The following NCOA2 variants were observed in gnomAD, a reference collection of about 807,000 sequenced individuals.
NCOA2 encodes nuclear receptor coactivator 2, also known as class E basic helix-loop-helix protein 75.
A neutral mutation model predicts 145.1 loss-of-function variants in NCOA2; 21 were observed. That is an observed-to-expected ratio of 0.14 (90% CI 0.10 to 0.21). NCOA2 has a LOEUF of 0.21. NCOA2 is among the 10% of genes least tolerant of loss of function. The pLI, the probability that NCOA2 is intolerant of heterozygous loss-of-function variation, is 1.00. For missense variants in NCOA2, 1,472 were observed against 1,837.6 expected (o/e 0.80, Z 3.64); for synonymous variants, 619 against 637.5 (o/e 0.97, Z 0.44).
intron 13 of NCOA2, 137 bp from the exon 14 acceptor site, chr8:70,141,536 G>T: frequency 1.2e-6 from 1 of 805,178 alleles, no homozygotes; most frequent in Non-Finnish European, 2.0e-6. Context: ...TTCTCATTGG[G>T]CAGATGTGGG....
chr8:70,349,660 C>T (rs1808990469), intron 1 of NCOA2, among the ~76,000 whole-genome samples: 1 of 151,996 alleles, frequency 6.6e-6, no homozygotes, highest in South Asian at 2.1e-4. Flanking sequence ...TCCATAAATC[C>T]TAGATTCTGT....
chr8:70,393,685 C>A lies in NCOA2; in HGVS notation c.-77+10015G>T, dbSNP rs369939235. ...GTGCCCAGGCCCAGTTCCTTCCTGC[C>A]CAAGCCTTTGCTTCCCTGGAGCCTA... On this transcript the variant is annotated intron_variant, in intron 1 of 22. Transcript: ENST00000452400. 2.4e-4 allele frequency among the ~76,000 whole-genome samples: 37 copies of A among 152,320 alleles called. No individual in the cohort carries two copies. In the East Asian group the frequency reaches 2.9e-3, roughly 12 times the overall value.
chr8:70,408,467 A>G (rs1258540517), upstream of NCOA2, among the ~76,000 whole-genome samples: 1 of 152,212 alleles, frequency 6.6e-6, no homozygotes, highest in Non-Finnish European at 1.5e-5. Flanking sequence ...CTCTACATTG[A>G]GAAAAAAATA....
At chr8:70,346,381 T>C (rs187389207) in intron 1 of NCOA2, among the ~76,000 whole-genome samples, 3 of 152,298 alleles carry the variant, frequency 2.0e-5, no homozygotes, top group South Asian at 2.1e-4. Flanking sequence ...AATATCCCTA[T>C]TGACAGAGAT....
chr8:70,249,977 A>AAAAAAAAAAG (rs751876043), intron 2 of NCOA2, among the ~76,000 whole-genome samples: 24 of 137,956 alleles, frequency 1.7e-4, no homozygotes, highest in Admixed American at 3.0e-4. Flanking sequence ...AAAAAAAAAA[A>AAAAAAAAAAG]AAGAAGAAGA....
intron 1 of NCOA2, among the ~76,000 whole-genome samples, chr8:70,300,925 C>T (rs895904891): frequency 3.3e-5 from 5 of 152,012 alleles, no homozygotes; most frequent in Admixed American, 3.3e-4. Flanking sequence ...GAGGGTAGGC[C>T]CTGCTACTAT....
chr8:70,363,079 T>TAAAAAAA (rs777122942), intron 1 of NCOA2, among the ~76,000 whole-genome samples: 67 of 99,740 alleles, frequency 6.7e-4, no homozygotes, highest in East Asian at 1.7e-3. Context: ...ACTCTGTCTT[T>TAAAAAAA]AAAAAAAAAA....
rs76387737 is a variant in NCOA2, at chr8:70,365,781, T to C, written c.-77+37919A>G. On this transcript the variant is annotated intron_variant, in intron 1 of 22. Coordinates refer to ENST00000452400, the MANE Select transcript of NCOA2 (RefSeq NM_006540.4). ...AGAAAACACTGCTCTAAGTTCTCCT[T>C]CACAATGAAAAGGGAGAAAAAAGAG... 1.3e-3 allele frequency among the ~76,000 whole-genome samples: 199 copies of C among 152,146 alleles called. 5 individuals are homozygous for C. The East Asian group carries it at 0.031, about 24-fold the overall frequency.
chr8:70,141,303 C>T lies in NCOA2; in HGVS notation c.2909G>A (p.Ser970Asn), dbSNP rs776792255. The change falls in exon 14 of 23, where the codon AGT becomes AAT. Residue 970 changes from serine (S) to asparagine (N), a missense_variant. Physicochemically the swap from Ser to Asn is conservative, Grantham distance 46. Coordinates refer to ENST00000452400, the MANE Select transcript of NCOA2 (RefSeq NM_006540.4). ...TCCTTGGACTGGCCGGTTCATGGCA[C>T]TGGTGGTAGCAGCACAGGTGACTCT... The part of the protein sequence containing the change: ...AVRVTCAATT[S>N]AMNRPVQGGM... The T allele has an allele frequency of 6.2e-7, 1 of 1,613,806 alleles. No individual in the cohort carries two copies. The highest frequency in any genetic ancestry group is 2.2e-5 in the East Asian group (1 of 44,876).
chr8:70,129,725 G>C (rs1163230952), intron 16 of NCOA2, among the ~76,000 whole-genome samples: 5 of 152,048 alleles, frequency 3.3e-5, no homozygotes, highest in Non-Finnish European at 2.9e-5. Flanking sequence ...AGGCTGGAGT[G>C]CAATGTTGTG....
At chr8:70,312,388 T>C (rs1805203505) in intron 1 of NCOA2, among the ~76,000 whole-genome samples, 1 of 152,192 alleles carries the variant, frequency 6.6e-6, no homozygotes, top group Admixed American at 6.5e-5. Context: ...CCTAAATCAA[T>C]GTATCTTTCT....
chr8:70,203,719 A>G (rs1336609644), intron 4 of NCOA2, among the ~76,000 whole-genome samples: 2 of 152,224 alleles, frequency 1.3e-5, no homozygotes, highest in Non-Finnish European at 2.9e-5. Context: ...TCTCCCTACC[A>G]CAGCACAAAT....
chr8:70,331,577 T>C (rs1032345661), intron 1 of NCOA2, among the ~76,000 whole-genome samples: 1 of 152,180 alleles, frequency 6.6e-6, no homozygotes, highest in African/African-American at 2.4e-5. Context: ...GTGAAACTTC[T>C]AAAAAGTCTA....
At chr8:70,389,480 A>G (rs1812987902) in intron 1 of NCOA2, among the ~76,000 whole-genome samples, 1 of 151,838 alleles carries the variant, frequency 6.6e-6, no homozygotes, top group Non-Finnish European at 1.5e-5. Flanking sequence ...AGGGTTCTCC[A>G]TGTTGGTCAG....
At position 70,253,282 on chromosome 8, in the gene NCOA2, C is replaced by CT. The variant is rs111366455; in HGVS notation, c.-19-36519dup. On this transcript the variant is annotated intron_variant, in intron 2 of 22. Coordinates refer to ENST00000452400, the MANE Select transcript of NCOA2 (RefSeq NM_006540.4). ...CTAACTTGATGTCTTCTAGTTCTTT[C>CT]TTTTTTTAGCTCTAAGTTAATTTCA... 2.8e-3 allele frequency among the ~76,000 whole-genome samples: 421 copies of CT among 152,184 alleles called. 5 individuals are homozygous for CT. The highest frequency in any genetic ancestry group is 9.7e-3 in the African/African-American group (402 of 41,530).
chr8:70,368,584 CTTTA>C (rs976760810), intron 1 of NCOA2, among the ~76,000 whole-genome samples: 3 of 152,204 alleles, frequency 2.0e-5, no homozygotes, highest in Non-Finnish European at 2.9e-5. Flanking sequence ...CAACTCTTCA[CTTTA>C]TTTTTCTTAT....
At chr8:70,210,486 A>G (rs760715523) in intron 4 of NCOA2, among the ~76,000 whole-genome samples, 1 of 152,198 alleles carries the variant, frequency 6.6e-6, no homozygotes, top group Admixed American at 6.5e-5. Flanking sequence ...CTGTTTCTAC[A>G]AAGTCCATTC....
chr8:70,291,301 C>T (rs774912858), intron 2 of NCOA2, among the ~76,000 whole-genome samples: 1 of 152,176 alleles, frequency 6.6e-6, no homozygotes, highest in African/African-American at 2.4e-5. Context: ...ACCAGTCCTA[C>T]CTCCTCTAAA....
At chr8:70,262,455 A>T (rs1824215493) in intron 2 of NCOA2, among the ~76,000 whole-genome samples, 1 of 152,220 alleles carries the variant, frequency 6.6e-6, no homozygotes, top group South Asian at 2.1e-4. Flanking sequence ...AGGAGAGAAG[A>T]TGGGAAAGTT....
Sources: allele counts gnomAD v4.1 joint callset (sites outside exome capture counted in the v4.1 genomes callset), GRCh38; gene constraint gnomAD v4.1.1; transcripts MANE v1.5; gene names NCBI Gene and HGNC (gene_info 2026-07-23, HGNC 2026-07-21).